Variants in PKIB observed in about 807,000 individuals in gnomAD.
The protein encoded by PKIB is PKI-beta.
In PKIB, 2 loss-of-function variants were observed where a neutral mutation model predicts 4.5. The ratio of observed to expected loss-of-function variants is 0.44; its 90% CI spans 0.18 to 1.39. The LOEUF (loss-of-function observed/expected upper bound fraction) is 1.39, where lower values mean the gene tolerates loss of function less well. Ranked by LOEUF, PKIB falls within the 40% of genes most tolerant of loss-of-function variation. PKIB has a pLI of 0.27. For missense variants in PKIB, 94 were observed against 92.6 expected (o/e 1.02, Z -0.06); for synonymous variants, 38 against 36.0 (o/e 1.06, Z -0.20).
chr6:122,602,955 C>CAAAAAAAA (rs71021410), intron 3 of PKIB, among the ~76,000 whole-genome samples: 1 of 74,876 alleles, frequency 1.3e-5, no homozygotes. Context: ...GACTGCGTCT[C>CAAAAAAAA]AAAAAAAAAA....
intron 2 of PKIB, among the ~76,000 whole-genome samples, chr6:122,503,397 A>G (rs923780217): frequency 4.6e-5 from 7 of 152,232 alleles, no homozygotes; most frequent in Admixed American, 3.9e-4. Context: ...TTGTTATTCA[A>G]TGTTAAAAAT....
At chr6:122,567,047 T>C (rs1475225441) in intron 2 of PKIB, among the ~76,000 whole-genome samples, 1 of 152,160 alleles carries the variant, frequency 6.6e-6, no homozygotes, top group Non-Finnish European at 1.5e-5. Flanking sequence ...TCCTCAGAAA[T>C]ATATAGAGGT....
At chr6:122,664,706 A>T (rs1777150075) in intron 2 of PKIB, among the ~76,000 whole-genome samples, 1 of 152,074 alleles carries the variant, frequency 6.6e-6, no homozygotes, top group Non-Finnish European at 1.5e-5. Flanking sequence ...GACATTAAAT[A>T]TATTTTTGTC....
At chr6:122,559,744 G>A (rs1772961730) in intron 2 of PKIB, among the ~76,000 whole-genome samples, 1 of 151,980 alleles carries the variant, frequency 6.6e-6, no homozygotes, top group Non-Finnish European at 1.5e-5. Flanking sequence ...AGTTTTCCTT[G>A]TAGAGGTCTT....
At chr6:122,651,755 A>G (rs993187851) in intron 2 of PKIB, among the ~76,000 whole-genome samples, 4 of 152,206 alleles carry the variant, frequency 2.6e-5, no homozygotes, top group Admixed American at 2.6e-4. Context: ...TTTTGGGCAG[A>G]CACAGAAGTA....
At chr6:122,506,996 C>T (rs565778525) in intron 2 of PKIB, among the ~76,000 whole-genome samples, 12 of 152,076 alleles carry the variant, frequency 7.9e-5, no homozygotes, top group East Asian at 5.8e-4. Flanking sequence ...CCACCGCGCC[C>T]GGCCGTAATT....
At chr6:122,486,021 T>C (rs1775756866) in intron 2 of PKIB, among the ~76,000 whole-genome samples, 2 of 152,196 alleles carry the variant, frequency 1.3e-5, no homozygotes, top group South Asian at 4.1e-4. Context: ...CATAGACACA[T>C]ACACAAATGT....
intron 2 of PKIB, among the ~76,000 whole-genome samples, chr6:122,511,647 T>C (rs926544440): frequency 6.6e-6 from 1 of 152,184 alleles, no homozygotes; most frequent in Non-Finnish European, 1.5e-5. Context: ...AGGGGGCCAC[T>C]TGTAAAATGG....
At chr6:122,621,078 C>T (rs556448276) in intron 1 of PKIB, among the ~76,000 whole-genome samples, 12 of 152,150 alleles carry the variant, frequency 7.9e-5, no homozygotes, top group South Asian at 2.1e-4. Context: ...TAGATCACTG[C>T]GGGATATTGG....
chr6:122,720,549 G>A (rs1246819644), intron 4 of PKIB, among the ~76,000 whole-genome samples: 4 of 152,034 alleles, frequency 2.6e-5, no homozygotes, highest in African/African-American at 4.8e-5. Context: ...TAGCCTAGAG[G>A]ATGGGCAATT....
intron 2 of PKIB, among the ~76,000 whole-genome samples, chr6:122,583,472 A>G (rs1444374608): frequency 1.3e-5 from 2 of 152,128 alleles, no homozygotes; most frequent in Non-Finnish European, 2.9e-5. Context: ...AAAATTATTC[A>G]CAAATGACTT....
chr6:122,546,991 T>C lies in PKIB; in HGVS notation c.-247-38930T>C, dbSNP rs796831018. Among the ~76,000 whole-genome samples, 29 of 152,250 alleles carry C rather than the reference T, an allele frequency of 1.9e-4. 1 individual carries two copies. Among genetic ancestry groups the C allele is most frequent in the African/African-American group, 7.0e-4 (29 of 41,488 alleles). ...AGATTATGACCACTACCATTAGTCA[T>C]TTGTAATTTACTTTTGACCCATACA... On this transcript the variant is annotated intron_variant, in intron 2 of 6. Transcript: ENST00000392491.
chr6:122,566,323 C>G (rs1170121801), intron 2 of PKIB, among the ~76,000 whole-genome samples: 3 of 152,174 alleles, frequency 2.0e-5, no homozygotes, highest in Non-Finnish European at 4.4e-5. Context: ...CCATTACTTT[C>G]TAGCCATTTG....
intron 1 of PKIB, among the ~76,000 whole-genome samples, chr6:122,616,912 C>T (rs565962891): frequency 3.3e-5 from 5 of 152,068 alleles, no homozygotes; most frequent in Non-Finnish European, 5.9e-5. Flanking sequence ...GACGAGTAGG[C>T]AAAGAGAGTA....
intron 2 of PKIB, among the ~76,000 whole-genome samples, chr6:122,493,067 T>A (rs1246103775): frequency 2.6e-5 from 4 of 152,238 alleles, no homozygotes; most frequent in Non-Finnish European, 5.9e-5. Context: ...AAACTCAACT[T>A]CATTAATTAG....
intron 3 of PKIB, among the ~76,000 whole-genome samples, chr6:122,602,305 G>A (rs977792867): frequency 6.6e-6 from 1 of 152,196 alleles, no homozygotes; most frequent in African/African-American, 2.4e-5. Flanking sequence ...CATAGAAGAA[G>A]CTCAAGTGGT....
At chr6:122,517,651 A>G (rs1270188730) in intron 2 of PKIB, among the ~76,000 whole-genome samples, 1 of 152,222 alleles carries the variant, frequency 6.6e-6, no homozygotes, top group Non-Finnish European at 1.5e-5. Context: ...TAACTTTGCT[A>G]CGAAATATCT....
At chr6:122,530,887 C>T (rs1377890302) in intron 2 of PKIB, among the ~76,000 whole-genome samples, 2 of 152,184 alleles carry the variant, frequency 1.3e-5, no homozygotes, top group African/African-American at 4.8e-5. Flanking sequence ...ACAGACACAT[C>T]AAATGCTGCA....
intron 2 of PKIB, among the ~76,000 whole-genome samples, chr6:122,506,344 A>G (rs1776395683): frequency 6.6e-6 from 1 of 152,222 alleles, no homozygotes; most frequent in Admixed American, 6.5e-5. Context: ...CTGATACACA[A>G]ATTGAAGTCT....
Sources: allele counts gnomAD v4.1 joint callset (sites outside exome capture counted in the v4.1 genomes callset), GRCh38; gene constraint gnomAD v4.1.1; transcripts MANE v1.5; gene names NCBI Gene and HGNC (gene_info 2026-07-23, HGNC 2026-07-21).